The following SUPT3H variants were observed in gnomAD, a reference collection of about 807,000 sequenced individuals.
SUPT3H encodes the protein transcription initiation protein SPT3 homolog.
SUPT3H carries 44 observed loss-of-function variants against 44.3 expected under a neutral mutation model. That is an observed-to-expected ratio of 0.99 (90% CI 0.78 to 1.28). The LOEUF (loss-of-function observed/expected upper bound fraction) is 1.28, where lower values mean the gene tolerates loss of function less well. SUPT3H is among the 50% of genes most tolerant of loss of function. The pLI, the probability that SUPT3H is intolerant of heterozygous loss-of-function variation, is 0.00. For missense variants in SUPT3H, 380 were observed against 387.1 expected, an observed-to-expected ratio of 0.98 and a Z score of 0.15; for synonymous variants, 124 against 125.6, an observed-to-expected ratio of 0.99 and a Z score of 0.09.
chr6:45,338,784 A>C (rs1789150894), intron 2 of SUPT3H, among the ~76,000 whole-genome samples: 1 of 152,124 alleles, frequency 6.6e-6, no homozygotes, highest in African/African-American at 2.4e-5. Flanking sequence ...ATTTATATGC[A>C]GCCTATTTCT....
intron 2 of SUPT3H, among the ~76,000 whole-genome samples, chr6:45,332,465 T>C (rs549269228): frequency 2.6e-5 from 4 of 151,942 alleles, no homozygotes; most frequent in African/African-American, 9.6e-5. Flanking sequence ...TACTTGAAAA[T>C]TGACGGCAAA....
chr6:44,992,175 G>C (rs1172426545), intron 6 of SUPT3H, among the ~76,000 whole-genome samples: 1 of 152,106 alleles, frequency 6.6e-6, no homozygotes, highest in Non-Finnish European at 1.5e-5. Context: ...CTAGAAGACT[G>C]ATCTCTAAGA....
At chr6:44,825,788 T>C (rs532108224), downstream of SUPT3H, among the ~76,000 whole-genome samples, 7 of 152,310 alleles carry the variant, frequency 4.6e-5, no homozygotes, top group Admixed American at 1.3e-4. Context: ...CTTGCCTCCT[T>C]CTTTTTTTCC....
intron 4 of SUPT3H, among the ~76,000 whole-genome samples, chr6:45,018,605 C>A (rs944909155): frequency 6.6e-6 from 1 of 151,852 alleles, no homozygotes; most frequent in Non-Finnish European, 1.5e-5. Context: ...TTGAGATAAT[C>A]ATGTGGTTTT....
chr6:44,814,539 T>C (rs1271634078), intron 11 of SUPT3H, among the ~76,000 whole-genome samples: 2 of 152,220 alleles, frequency 1.3e-5, no homozygotes, highest in Admixed American at 6.5e-5. Context: ...GTTCTGCTGC[T>C]GCCCAGGAGT....
At chr6:44,941,750 T>C (rs1320352989) in intron 9 of SUPT3H, among the ~76,000 whole-genome samples, 1 of 152,166 alleles carries the variant, frequency 6.6e-6, no homozygotes, top group African/African-American at 2.4e-5. Flanking sequence ...CAGATATAAC[T>C]ATACATCAAA....
At chr6:45,111,627 C>T (rs938619794) in intron 2 of SUPT3H, among the ~76,000 whole-genome samples, 2 of 147,314 alleles carry the variant, frequency 1.4e-5, no homozygotes, top group African/African-American at 2.5e-5. Context: ...CAAACAATTA[C>T]CCTTATTATT....
chr6:44,898,769 G>A (rs1477741313), intron 10 of SUPT3H: 2 of 152,284 alleles, frequency 1.3e-5, no homozygotes. Context: ...AGGAGCAGCC[G>A]GCTCACGCCT....
chr6:45,177,410 G>C (rs989916624), intron 2 of SUPT3H, among the ~76,000 whole-genome samples: 2 of 152,124 alleles, frequency 1.3e-5, no homozygotes, highest in Non-Finnish European at 2.9e-5. Context: ...CAAGAAATAT[G>C]GGACTATGTG....
chr6:45,358,457 A>G (rs372936307), intron 2 of SUPT3H, among the ~76,000 whole-genome samples: 2 of 152,200 alleles, frequency 1.3e-5, no homozygotes, highest in African/African-American at 4.8e-5. Flanking sequence ...TTTCTTCTCT[A>G]TAATTATGAA....
intron 9 of SUPT3H, among the ~76,000 whole-genome samples, chr6:44,936,496 C>G (rs1771441182): frequency 6.6e-6 from 1 of 151,984 alleles, no homozygotes; most frequent in Non-Finnish European, 1.5e-5. Flanking sequence ...CTACTTACTC[C>G]CAACCTTCCA....
intron 2 of SUPT3H, among the ~76,000 whole-genome samples, chr6:45,225,395 A>G (rs572127547): frequency 6.6e-6 from 1 of 152,170 alleles, no homozygotes; most frequent in Non-Finnish European, 1.5e-5. Flanking sequence ...ACTTCATTTA[A>G]TCGACATTTT....
chr6:45,007,387 T>C (rs575035272), intron 5 of SUPT3H, among the ~76,000 whole-genome samples: 1 of 152,270 alleles, frequency 6.6e-6, no homozygotes, highest in South Asian at 2.1e-4. Context: ...ATGCCTATCA[T>C]ATGCATCTTA....
intron 1 of SUPT3H, among the ~76,000 whole-genome samples, chr6:45,376,248 G>A (rs1183067772): frequency 2.6e-5 from 4 of 152,148 alleles, no homozygotes; most frequent in African/African-American, 9.7e-5. Context: ...TTGAATGAAA[G>A]GCATTATTTG....
intron 3 of SUPT3H, chr6:45,098,669 C>A: frequency 3.0e-6 from 1 of 334,640 alleles, no homozygotes; most frequent in African/African-American, 2.2e-5. Flanking sequence ...TTCAATCATG[C>A]CCCATCTGGA....
At position 44,827,654 on chromosome 6, in the gene SUPT3H, G is replaced by A. The variant is rs1417716370; in HGVS notation, c.*2162C>T. Among the ~76,000 whole-genome samples the A allele has an allele frequency of 6.6e-6, 1 of 152,054 alleles. No homozygotes were observed. Among genetic ancestry groups the A allele is most frequent in the Admixed American group, 6.5e-5 (1 of 15,270 alleles). On this transcript the variant is annotated 3_prime_UTR_variant, in exon 11 of 11. Transcript: ENST00000371459. ...TTCTTTTGTTTCTATAGTCACTGCTGAAGGAAGTTTTATTTCACTTCAAAT... is the reference window on the plus strand; with the variant it reads ...TTCTTTTGTTTCTATAGTCACTGCTAAAGGAAGTTTTATTTCACTTCAAAT...
At chr6:44,964,562 A>G (rs17209601) in intron 6 of SUPT3H, among the ~76,000 whole-genome samples, 2,712 of 152,278 alleles carry the variant, frequency 0.018, 43 homozygotes, top group South Asian at 0.039. Flanking sequence ...CAATATTTCA[A>G]AGATATCCAT....
At chr6:45,141,291 G>GTT (rs1387118346) in intron 2 of SUPT3H, among the ~76,000 whole-genome samples, 1 of 114,488 alleles carries the variant, frequency 8.7e-6, no homozygotes, top group Non-Finnish European at 1.6e-5. Context: ...AGTGAGCTGG[G>GTT]TTGTGCCACT....
chr6:45,293,638 G>T (rs987909645), intron 2 of SUPT3H, among the ~76,000 whole-genome samples: 2 of 152,082 alleles, frequency 1.3e-5, no homozygotes, highest in African/African-American at 2.4e-5. Flanking sequence ...AGCTCAGTGA[G>T]AAACAATACA....
Sources: allele counts gnomAD v4.1 joint callset (sites outside exome capture counted in the v4.1 genomes callset), GRCh38; gene constraint gnomAD v4.1.1; transcripts MANE v1.5; gene names NCBI Gene and HGNC (gene_info 2026-07-23, HGNC 2026-07-21).